The following CRAMP1 variants were observed in gnomAD, a reference collection of about 807,000 sequenced individuals.
The protein encoded by CRAMP1 is cramped chromatin regulator 1.
A neutral mutation model predicts 115.4 loss-of-function variants in CRAMP1; 50 were observed. The ratio of observed to expected loss-of-function variants is 0.43; its 90% confidence interval spans 0.35 to 0.55. The LOEUF (loss-of-function observed/expected upper bound fraction) is 0.55, where lower values mean the gene tolerates loss of function less well. Ranked by LOEUF, CRAMP1 falls within the 20% of genes least tolerant of loss-of-function variation. The probability of loss-of-function intolerance (pLI) is 0.01; values close to 1 mark genes in which losing one functional copy is unlikely to be tolerated. For missense variants in CRAMP1, 1,679 were observed against 1,721.7 expected, an observed-to-expected ratio of 0.98 and a Z score of 0.44; for synonymous variants, 866 against 745.4, an observed-to-expected ratio of 1.16 and a Z score of -2.64.
chr16:1,671,099 G>A lies in CRAMP1; in HGVS notation c.3645+290G>A, dbSNP rs1489006125. 2.0e-5 allele frequency among the ~76,000 whole-genome samples: 3 copies of A among 152,218 alleles called. No individual in the cohort carries two copies. In the East Asian group the frequency reaches 5.8e-4, roughly 29 times the overall value. ...GCGCAGAGCAGGGTCTCTGAAGGCA[G>A]CCAGAGCCGAGTGGGGATGTTACCT... On this transcript the variant is annotated intron_variant, in intron 20 of 20. Transcript: ENST00000397412. This position sits in a 1 kb window ranked among gnomAD's most constrained non-coding sequence, Gnocchi z 5.0.
chr16:1,612,939 C>T (rs972263925), intron 1 of CRAMP1, among the ~76,000 whole-genome samples: 28 of 152,010 alleles, frequency 1.8e-4, no homozygotes, highest in Non-Finnish European at 5.9e-5. Context: ...AGGGTAAAGT[C>T]TGGACGGCGT....
At position 1,656,473 on chromosome 16, in the gene CRAMP1, T is replaced by A; in HGVS notation, c.1716T>A (p.Ile572=). Residue 572 remains isoleucine, a synonymous_variant, in exon 10 of 21, where the codon ATT becomes ATA. Coordinates refer to ENST00000397412, the MANE Select transcript of CRAMP1 (RefSeq NM_020825.4). The surrounding 1 kb of genome is among the most constrained non-coding windows in gnomAD (Gnocchi z 5.6). The part of the protein sequence containing the change: ...PRYLKSCQDL[I]VPEQCRCADT... ...ACCTAAAGTCCTGTCAGGACCTCATTGTCCCCGAGCAGTGCCGCTGTGCGG... is the reference window on the plus strand; with the variant it reads ...ACCTAAAGTCCTGTCAGGACCTCATAGTCCCCGAGCAGTGCCGCTGTGCGG... 1.3e-6 allele frequency: 2 copies of A among 1,580,506 alleles called. No individual in the cohort carries two copies. The highest frequency in any genetic ancestry group is 1.7e-6 in the Non-Finnish European group (2 of 1,164,004).
intron 2 of CRAMP1, among the ~76,000 whole-genome samples, chr16:1,624,657 C>T (rs2036494307): frequency 6.6e-6 from 1 of 152,208 alleles, no homozygotes; most frequent in South Asian, 2.1e-4. Flanking sequence ...CGGCTCACTG[C>T]AACCACTGCC....
At chr16:1,625,813 G>A (rs2036503431) in intron 2 of CRAMP1, 160 bp from the exon 3 acceptor site, 6 of 619,356 alleles carry the variant, frequency 9.7e-6, no homozygotes, top group Admixed American at 3.3e-5. Context: ...AAGCAGCCTC[G>A]CTGGTGCCGT....
At chr16:1,630,791 A>G (rs1306348839) in intron 3 of CRAMP1, among the ~76,000 whole-genome samples, 1 of 152,202 alleles carries the variant, frequency 6.6e-6, no homozygotes, top group East Asian at 1.9e-4. Flanking sequence ...GGTTTGTAGA[A>G]TGTCCCTTGT....
In CRAMP1 at chr16:1,670,649, G is replaced by T. The variant is rs1186375773; in HGVS notation, c.3500-15G>T. On this transcript the variant is annotated splice_polypyrimidine_tract_variant and intron_variant, in intron 19 of 20. Transcript: ENST00000397412. ...GCAGGGTTCAGGGTGTTTTCCTCTG[G>T]CCTTTTCTCCGCAGCAAGCTTCATC... is the stretch of plus-strand genomic sequence containing the variant. 6.2e-7 allele frequency: 1 copy of T among 1,613,718 alleles called. No homozygotes were observed. Among genetic ancestry groups the T allele is most frequent in the Middle Eastern group, 1.6e-4 (1 of 6,062 alleles).
chr16:1,663,747 T>A (rs554568242), intron 13 of CRAMP1, among the ~76,000 whole-genome samples: 1 of 152,300 alleles, frequency 6.6e-6, no homozygotes, highest in African/African-American at 2.4e-5. Flanking sequence ...CCGCCAGCCC[T>A]TGGCAACCAC....
chr16:1,621,142 T>C (rs2036462447), intron 2 of CRAMP1, among the ~76,000 whole-genome samples: 1 of 152,142 alleles, frequency 6.6e-6, no homozygotes, highest in Non-Finnish European at 1.5e-5. Context: ...TGCCTCAGCT[T>C]CCCCAGTTGA....
At chr16:1,615,756 T>C (rs1596480046) in intron 2 of CRAMP1, among the ~76,000 whole-genome samples, 2 of 152,256 alleles carry the variant, frequency 1.3e-5, no homozygotes, top group African/African-American at 4.8e-5. Context: ...GTCTTGTGCT[T>C]TTCCTTACGC....
chr16:1,640,963 T>G (rs527756996), intron 5 of CRAMP1, among the ~76,000 whole-genome samples, 176 bp from the exon 6 acceptor site: 2 of 152,142 alleles, frequency 1.3e-5, no homozygotes, highest in African/African-American at 4.8e-5. Context: ...GGCAGCTGAC[T>G]CGAAGGTGTG....
chr16:1,642,177 G>C, intron 6 of CRAMP1, among the ~76,000 whole-genome samples: 1 of 152,208 alleles, frequency 6.6e-6, no homozygotes, highest in Non-Finnish European at 1.5e-5. Flanking sequence ...CTCCTGAACA[G>C]TCCTTACCCA....
At chr16:1,651,018 C>T (rs967422562) in intron 6 of CRAMP1, among the ~76,000 whole-genome samples, 3 of 152,088 alleles carry the variant, frequency 2.0e-5, no homozygotes, top group African/African-American at 7.2e-5. Context: ...CAGAGGTAGA[C>T]TGAGCTCACA....
At position 1,614,722 on chromosome 16, in the gene CRAMP1, T is replaced by A; in HGVS notation, c.83T>A (p.Leu28Gln). 7.4e-7 allele frequency: 1 copy of A among 1,359,810 alleles called. No individual in the cohort carries two copies. Among genetic ancestry groups the A allele is most frequent in the Non-Finnish European group, 9.6e-7 (1 of 1,045,522 alleles). The allele number at this position is 1,359,810 out of a possible 1,614,324, so 84.2% of individuals were successfully genotyped here. A position where few individuals can be genotyped will look rare whatever the true frequency, so the allele number is the denominator to read the frequency against. ...LGKRAADEESLEGEGAGGADA... is the reference protein window; with the variant it reads ...LGKRAADEESQEGEGAGGADA... ...AAGCGGGCGGCCGATGAGGAGTCCC[T>A]GGAAGGAGAAGGGGCCGGCGGCGCA... is the stretch of plus-strand genomic sequence containing the variant. The change falls in exon 2 of 21, where the codon CTG (leucine) becomes CAG (glutamine). Residue 28 changes from leucine (L) to glutamine (Q), a missense_variant. Physicochemically the swap from Leu to Gln is moderately radical, Grantham distance 113. Around this residue, in one of 8 missense-constraint regions of CRAMP1, gnomAD observed 264 missense variants for 229.7 expected, o/e 1.15. Coordinates refer to ENST00000397412, the MANE Select transcript of CRAMP1 (RefSeq NM_020825.4). This position sits in a 1 kb window ranked among gnomAD's most constrained non-coding sequence, Gnocchi z 4.4.
chr16:1,632,428 G>T, intron 4 of CRAMP1, 63 bp downstream of exon 4: 2 of 1,468,978 alleles, frequency 1.4e-6, no homozygotes, highest in South Asian at 1.3e-5. Context: ...TGCTCAGAGC[G>T]CAGCTTCCAG....
rs777430946 is a variant in CRAMP1, at chr16:1,660,058, C to T, written c.2408C>T (p.Ser803Phe). 5 of 1,570,764 alleles carry T rather than the reference C, an allele frequency of 3.2e-6. No individual in the cohort carries two copies. The South Asian group carries it at 3.4e-5, about 11-fold the overall frequency. Residue 803 changes from serine (S) to phenylalanine (F), a missense_variant, in exon 11 of 21, where the codon TCC becomes TTC. This residue lies in a region of CRAMP1 where 709 missense variants were observed against 741.9 expected (regional missense o/e 0.96). Coordinates refer to ENST00000397412, the MANE Select transcript of CRAMP1 (RefSeq NM_020825.4). ...TTCCCGCCCAGCTCTGCACCCTGCT[C>T]CTCAGGTGAGGCTGTGGCAGCCACA... ...KTFPPSSAPCSSGLRNPPRPL... is the reference protein window; with the variant it reads ...KTFPPSSAPCFSGLRNPPRPL...
In CRAMP1 at chr16:1,655,291, G is replaced by A. The variant is rs746202540; in HGVS notation, c.1110G>A (p.Glu370=). 7.4e-6 allele frequency: 12 copies of A among 1,613,746 alleles called. No individual in the cohort carries two copies. In the African/African-American group the frequency reaches 9.3e-5, roughly 13 times the overall value. ...EFLKQKWALH[E]VRVRKTLEER... is the part of the protein sequence containing the mutation. ...TGAAGCAGAAGTGGGCGCTCCATGA[G>A]GTGCGAGTTGTATCCTTTTCCAGCT... The change falls in exon 9 of 21, where the codon GAG becomes GAA. Residue 370 remains glutamate, a synonymous_variant. Coordinates refer to ENST00000397412, the MANE Select transcript of CRAMP1 (RefSeq NM_020825.4).
chr16:1,636,199 C>G (rs528882663), intron 4 of CRAMP1, among the ~76,000 whole-genome samples: 1 of 152,006 alleles, frequency 6.6e-6, no homozygotes, highest in Non-Finnish European at 1.5e-5. Context: ...GGTGAAACCC[C>G]GTCTCTACTA....
Position 1,641,167 on chromosome 16 carries a change from G to C in CRAMP1, c.807G>C (p.Leu269=). ...GCMDDKNATK[L]NELIQVGATT... is the part of the protein sequence containing the mutation. The stretch of plus-strand genomic sequence containing the variant: ...TGGATGACAAGAATGCAACAAAGCT[G>C]AATGAACTCATTCAGGTTGGGTAAG... Residue 269 remains leucine (L), a synonymous_variant, in exon 6 of 21, where the codon CTG becomes CTC. Coordinates refer to ENST00000397412, the MANE Select transcript of CRAMP1 (RefSeq NM_020825.4). 1 of 1,612,112 alleles carries C rather than the reference G, an allele frequency of 6.2e-7. No individual in the cohort carries two copies. The highest frequency in any genetic ancestry group is 8.5e-7 in the Non-Finnish European group (1 of 1,178,214).
At chr16:1,634,638 C>T (rs573367919) in intron 4 of CRAMP1, among the ~76,000 whole-genome samples, 83 of 152,274 alleles carry the variant, frequency 5.5e-4, no homozygotes, top group Admixed American at 3.1e-3. Flanking sequence ...ACATGATGTG[C>T]CTTCTTCCTG....
Sources: allele counts gnomAD v4.1 joint callset (sites outside exome capture counted in the v4.1 genomes callset), GRCh38; gene constraint gnomAD v4.1.1; regional missense constraint gnomAD v4.1.1; non-coding constraint Gnocchi (gnomAD v3.1); transcripts MANE v1.5; gene names NCBI Gene and HGNC (gene_info 2026-07-23, HGNC 2026-07-21).